Variants in EIF5B observed in about 807,000 individuals in gnomAD.
EIF5B encodes eIF-5B.
A neutral mutation model predicts 147.5 loss-of-function variants in EIF5B; 47 were observed. The ratio of observed to expected loss-of-function variants is 0.32; its 90% CI spans 0.25 to 0.41. The LOEUF (loss-of-function observed/expected upper bound fraction) is 0.41. EIF5B is among the 10% of genes least tolerant of loss of function. EIF5B has a pLI of 1.00. For missense variants in EIF5B, 1,064 were observed against 1,413.2 expected (o/e 0.75, Z 3.96); for synonymous variants, 455 against 456.2 (o/e 1.00, Z 0.03).
intron 17 of EIF5B, among the ~76,000 whole-genome samples, chr2:99,391,507 C>T (rs910233807): frequency 3.2e-4 from 48 of 152,194 alleles, no homozygotes; most frequent in Non-Finnish European, 2.9e-4. Context: ...CAGAACGCTG[C>T]TGGCACCCAG....
chr2:99,343,857 C>CAAAT (rs953469884), intron 1 of EIF5B, among the ~76,000 whole-genome samples: 2 of 151,394 alleles, frequency 1.3e-5, no homozygotes, highest in African/African-American at 4.8e-5. Context: ...TTATCTCTTG[C>CAAAT]ATTTTGGTCT....
chr2:99,379,210 A>C (rs1335678021), intron 11 of EIF5B, 84 bp downstream of exon 11: 6 of 1,395,836 alleles, frequency 4.3e-6, no homozygotes, highest in Middle Eastern at 1.8e-4. Flanking sequence ...GACCAATAGG[A>C]CATATAAGCA....
At chr2:99,337,732 C>T (rs1473229785) in intron 1 of EIF5B, 143 bp downstream of exon 1, 2 of 1,114,598 alleles carry the variant, frequency 1.8e-6, no homozygotes, top group Admixed American at 3.5e-5. Flanking sequence ...GTGTGCGGAG[C>T]GGGCCCAAGC....
intron 22 of EIF5B, 27 bp from the exon 23 acceptor site, chr2:99,398,721 G>A: frequency 2.5e-6 from 4 of 1,592,396 alleles, no homozygotes; most frequent in South Asian, 1.1e-5. Flanking sequence ...TCTTCTGCAT[G>A]CATTTTAATT....
chr2:99,376,670 C>A, intron 10 of EIF5B, 34 bp downstream of exon 10: 1 of 1,564,462 alleles, frequency 6.4e-7, no homozygotes, highest in South Asian at 1.2e-5. Context: ...TACTTTTCTT[C>A]CCACTCCTCT....
At chr2:99,351,360 A>G (rs1673949538) in intron 1 of EIF5B, among the ~76,000 whole-genome samples, 1 of 152,166 alleles carries the variant, frequency 6.6e-6, no homozygotes, top group Admixed American at 6.5e-5. Flanking sequence ...TATCTGGTAG[A>G]TGGATATTTG....
At position 99,401,244 on chromosome 2, in the gene EIF5B, T is replaced by C. The variant is rs1675354295; in HGVS notation, c.*1830T>C. On this transcript the variant is annotated 3_prime_UTR_variant, in exon 24 of 24. Coordinates refer to ENST00000289371, the MANE Select transcript of EIF5B (RefSeq NM_015904.4). ...GCATCAGGCTCTCTGGTAATATTTA[T>C]GTAACTTTTAATGTGCTTCCATAAG... 3 of 1,593,130 alleles carry C rather than the reference T, an allele frequency of 1.9e-6. No homozygotes were observed. The highest frequency in any genetic ancestry group is 1.7e-6 in the Non-Finnish European group (2 of 1,161,142).
chr2:99,399,015 A>G (rs1287163747), intron 23 of EIF5B, 106 bp downstream of exon 23: 3 of 1,307,812 alleles, frequency 2.3e-6, no homozygotes, highest in Non-Finnish European at 3.1e-6. Flanking sequence ...GTAGAATCTG[A>G]TGGGACTGGA....
chr2:99,362,781 G>A (rs1053950952), intron 4 of EIF5B, among the ~76,000 whole-genome samples: 2 of 151,416 alleles, frequency 1.3e-5, no homozygotes, highest in African/African-American at 4.9e-5. Flanking sequence ...TTTTTGAGAC[G>A]GAATTTCACT....
At chr2:99,359,325 C>T (rs956413715) in intron 1 of EIF5B, among the ~76,000 whole-genome samples, 5 of 151,558 alleles carry the variant, frequency 3.3e-5, no homozygotes, top group Admixed American at 6.6e-5. Flanking sequence ...GCCGAGATCA[C>T]GCCACTGCAC....
At chr2:99,353,775 T>C (rs1674034874) in intron 1 of EIF5B, among the ~76,000 whole-genome samples, 4 of 152,240 alleles carry the variant, frequency 2.6e-5, no homozygotes, top group African/African-American at 9.6e-5. Context: ...TGGAATTAAG[T>C]ATATATATGA....
intron 14 of EIF5B, among the ~76,000 whole-genome samples, chr2:99,387,372 T>C (rs1402337336): frequency 6.6e-6 from 1 of 152,224 alleles, no homozygotes; most frequent in Non-Finnish European, 1.5e-5. Flanking sequence ...GTTTACTTTT[T>C]TTCCATAGAA....
intron 6 of EIF5B, among the ~76,000 whole-genome samples, chr2:99,365,506 T>C (rs1333378989): frequency 6.6e-6 from 1 of 152,190 alleles, no homozygotes; most frequent in Non-Finnish European, 1.5e-5. Context: ...AACTTGAATA[T>C]AGTTAGCATT....
In EIF5B at chr2:99,379,081, C is replaced by T. The variant is rs867902942; in HGVS notation, c.1905C>T (p.Cys635=). 4 of 1,604,914 alleles carry T rather than the reference C, an allele frequency of 2.5e-6. No homozygotes were observed. The highest frequency in any genetic ancestry group is 1.1e-5 in the South Asian group (1 of 88,530). The change falls in exon 11 of 24, where the codon TGC becomes TGT. Residue 635 remains cysteine (C), a synonymous_variant. Coordinates refer to ENST00000289371, the MANE Select transcript of EIF5B (RefSeq NM_015904.4). ...AAAAGCTAAGAGCCCCTATTATCTG[C>T]GTACTTGGGCATGTGGACACAGGGA... The part of the protein sequence containing the change: ...NTEKLRAPII[C]VLGHVDTGKT...
intron 21 of EIF5B, 113 bp from the exon 22 acceptor site, chr2:99,396,647 G>A (rs186236187): frequency 2.2e-5 from 30 of 1,343,646 alleles, no homozygotes; most frequent in South Asian, 5.9e-5. Flanking sequence ...TCCTGTGGCC[G>A]CTGGGGAAAG....
chr2:99,337,473 G>A lies in EIF5B; in HGVS notation c.-82G>A. 1 of 1,551,228 alleles carries A rather than the reference G, an allele frequency of 6.4e-7. No homozygotes were observed. Among genetic ancestry groups the A allele is most frequent in the African/African-American group, 1.4e-5 (1 of 73,324 alleles). On this transcript the variant is annotated 5_prime_UTR_variant, in exon 1 of 24. Transcript: ENST00000289371. ...CAGCACGAGGGGAAAAGAGCTGAGC[G>A]GAGACCAAAGTCAGCCGGGAGACAG...
intron 17 of EIF5B, 80 bp from the exon 18 acceptor site, chr2:99,392,887 T>G: frequency 8.0e-7 from 1 of 1,253,266 alleles, no homozygotes; most frequent in Non-Finnish European, 1.0e-6. Context: ...TCTAATATCA[T>G]GATGAGATTC....
Position 99,369,424 on chromosome 2 carries a change from G to A in EIF5B, c.1420G>A (p.Glu474Lys), listed in dbSNP as rs373807627. Residue 474 changes from glutamate to lysine, a missense_variant, in exon 8 of 24, where the codon GAA becomes AAA. Coordinates refer to ENST00000289371, the MANE Select transcript of EIF5B (RefSeq NM_015904.4). ...SESMELCAAV[E>K]VMEQGVPEKE... Reference sequence around the variant, plus strand: ...ATCAATGGAATTATGTGCTGCTGTAGAAGTTATGGAACAAGGAGTACCAGA... The same window carrying A: ...ATCAATGGAATTATGTGCTGCTGTAAAAGTTATGGAACAAGGAGTACCAGA... The A allele has an allele frequency of 6.2e-7, 1 of 1,611,528 alleles. No homozygotes were observed. Among genetic ancestry groups the A allele is most frequent in the Non-Finnish European group, 8.5e-7 (1 of 1,178,364 alleles).
At chr2:99,338,882 CAT>C (rs1318895178) in intron 1 of EIF5B, among the ~76,000 whole-genome samples, 1 of 149,992 alleles carries the variant, frequency 6.7e-6, no homozygotes, top group Non-Finnish European at 1.5e-5. Flanking sequence ...ATTGTTAGCA[CAT>C]GACCTGCTTG....
Sources: gnomAD v4.1 joint callset for allele counts (sites outside exome capture counted in the v4.1 genomes callset) on GRCh38, gnomAD v4.1.1 for gene constraint, MANE v1.5 for transcripts, NCBI Gene and HGNC (gene_info 2026-07-23, HGNC 2026-07-21) for gene names.